The following BORCS7 variants were observed in gnomAD, a reference collection of about 807,000 sequenced individuals.
BORCS7 encodes BLOC-1-related complex subunit 7.
BORCS7 carries 20 observed loss-of-function variants against 17.5 expected under a neutral mutation model. The observed-to-expected ratio is 1.14, with a 90% confidence interval of 0.80 to 1.66. BORCS7 has a LOEUF of 1.66. Among genes scored for constraint, BORCS7 ranks in the 40% most tolerant of loss-of-function variants. The probability of loss-of-function intolerance (pLI) is 0.00; values close to 1 mark genes in which losing one functional copy is unlikely to be tolerated. For synonymous variants in BORCS7, 57 were observed against 49.8 expected, an observed-to-expected ratio of 1.14 and a Z score of -0.61; for missense variants, 122 against 129.7, an observed-to-expected ratio of 0.94 and a Z score of 0.29.
chr10:102,863,051 T>A lies in BORCS7; in HGVS notation c.*127T>A. 1.1e-6 allele frequency: 1 copy of A among 892,036 alleles called. No homozygotes were observed. Among genetic ancestry groups the A allele is most frequent in the Non-Finnish European group, 1.8e-6 (1 of 556,300 alleles). 55.3% of individuals were successfully genotyped at this position (892,036 alleles called of 1,614,324 possible). A position where few individuals can be genotyped will look rare whatever the true frequency, so the allele number is the denominator to read the frequency against. The stretch of plus-strand genomic sequence containing the variant: ...AAGTTAAGTTAGAAAAGTTCTGTGT[T>A]AGGGCCGGGCGCGGTAGCTCACGCC... On this transcript the variant is annotated 3_prime_UTR_variant, in exon 5 of 5. Transcript: ENST00000339834.
Position 102,860,643 on chromosome 10 carries a change from G to A in BORCS7, c.248+102G>A, listed in dbSNP as rs560177273. On this transcript the variant is annotated intron_variant, in intron 3 of 4. Transcript: ENST00000339834. ...GCACTTTCCTGTGGAGGCCAGAGTG[G>A]GAGTAAAGGTGGGGGTGGCCAAGGA... 5.9e-5 allele frequency: 77 copies of A among 1,301,476 alleles called. No homozygotes were observed. The African/African-American group carries it at 1.0e-3, about 17-fold the overall frequency. 80.6% of individuals were successfully genotyped at this position (1,301,476 alleles called of 1,614,324 possible).
At chr10:102,861,720 A>G (rs1323682769) in intron 3 of BORCS7, among the ~76,000 whole-genome samples, 1 of 151,576 alleles carries the variant, frequency 6.6e-6, no homozygotes, top group African/African-American at 2.4e-5. Flanking sequence ...TCTGTCTCAA[A>G]AAAAAAACAA....
chr10:102,858,188 T>G (rs7900840), intron 1 of BORCS7, among the ~76,000 whole-genome samples: 203 of 106,380 alleles, frequency 1.9e-3, no homozygotes, highest in African/African-American at 6.5e-3. Context: ...TATATATATA[T>G]ATAGAGAGAG....
intron 3 of BORCS7, 95 bp downstream of exon 3, chr10:102,860,636 C>T: frequency 7.3e-7 from 1 of 1,372,676 alleles, no homozygotes; most frequent in Non-Finnish European, 1.0e-6. Flanking sequence ...CTGTGGAGGC[C>T]AGAGTGGGAG....
At position 102,854,445 on chromosome 10, in the gene BORCS7, T is replaced by C. The variant is rs1371700682; in HGVS notation, c.141+18T>C. On this transcript the variant is annotated intron_variant, in intron 1 of 4. Coordinates refer to ENST00000339834, the MANE Select transcript of BORCS7 (RefSeq NM_001136200.2). ...GCTCCGAGGTGAGCTGGAAGTGGAC[T>C]CTCCCGGCCTGATAGTCCGGGGAGT... The C allele has an allele frequency of 6.6e-7, 1 of 1,518,010 alleles. No individual in the cohort carries two copies. The allele number at this position is 1,518,010 out of a possible 1,614,324, so 94.0% of individuals were successfully genotyped here. A position where few individuals can be genotyped will look rare whatever the true frequency, so the allele number is the denominator to read the frequency against.
At chr10:102,859,847 A>G (rs571863621) in intron 1 of BORCS7, among the ~76,000 whole-genome samples, 212 of 152,216 alleles carry the variant, frequency 1.4e-3, no homozygotes, top group African/African-American at 4.8e-3. Context: ...TACGGGCATG[A>G]GCCACCGCAC....
intron 1 of BORCS7, among the ~76,000 whole-genome samples, chr10:102,859,611 G>T (rs979970404): frequency 6.7e-6 from 1 of 150,300 alleles, no homozygotes; most frequent in African/African-American, 2.5e-5. Flanking sequence ...TGTCGCCCAG[G>T]CTGGAGTACA....
chr10:102,859,895 C>T (rs1456193278), intron 1 of BORCS7, among the ~76,000 whole-genome samples: 2 of 152,128 alleles, frequency 1.3e-5, no homozygotes, highest in Non-Finnish European at 2.9e-5. Context: ...TAGCTGTATT[C>T]CTCTGTCCTT....
intron 1 of BORCS7, among the ~76,000 whole-genome samples, chr10:102,855,312 C>T (rs1479890606): frequency 6.6e-6 from 1 of 151,956 alleles, no homozygotes; most frequent in African/African-American, 2.4e-5. Flanking sequence ...GCACGCACCA[C>T]CACACCTGGC....
rs1198689687 is a variant in BORCS7, at chr10:102,854,326, G to A, written c.40G>A (p.Gly14Ser). ...AACGCCAGAGTCTCAAGCGCGGTTC[G>A]GTCAGTCCGTGAAGGGGCTTCTCAC... The part of the protein sequence containing the change: ...TGTPESQARF[G>S]QSVKGLLTEK... The change falls in exon 1 of 5, where the codon GGT becomes AGT. Residue 14 changes from glycine to serine, a missense_variant. Physicochemically the swap from Gly to Ser is moderately conservative, Grantham distance 56. Coordinates refer to ENST00000339834, the MANE Select transcript of BORCS7 (RefSeq NM_001136200.2). 4 of 1,601,556 alleles carry A rather than the reference G, an allele frequency of 2.5e-6. No homozygotes were observed. The highest frequency in any genetic ancestry group is 2.6e-6 in the Non-Finnish European group (3 of 1,174,122).
chr10:102,860,209 G>A, intron 1 of BORCS7, 123 bp from the exon 2 acceptor site: 1 of 755,358 alleles, frequency 1.3e-6, no homozygotes, highest in Non-Finnish European at 2.2e-6. Context: ...CATTTTGAGT[G>A]TTTGTGGTTG....
chr10:102,862,968 A>G lies in BORCS7; in HGVS notation c.*44A>G. The G allele has an allele frequency of 6.9e-7, 1 of 1,459,478 alleles. No individual in the cohort carries two copies. The highest frequency in any genetic ancestry group is 1.7e-5 in the Admixed American group (1 of 59,710). The allele number at this position is 1,459,478 out of a possible 1,614,324, so 90.4% of individuals were successfully genotyped here. On this transcript the variant is annotated 3_prime_UTR_variant, in exon 5 of 5. Transcript: ENST00000339834. ...TGTAGGACTCCTTTGCCTAATGCTG[A>G]GGAGTAAATACCTTACACAGCTGTC...
Position 102,863,746 on chromosome 10 carries a change from C to T in BORCS7, c.*822C>T, listed in dbSNP as rs886108790. 1.3e-5 allele frequency: 2 copies of T among 152,102 alleles called. No homozygotes were observed. The highest frequency in any genetic ancestry group is 4.2e-4 in the South Asian group (2 of 4,814). 9.4% of individuals were successfully genotyped at this position (152,102 alleles called of 1,614,324 possible). ...CTGTTCTAGTAACTCAGAGGAGATA[C>T]GTGTTTTATTTGTGATAGCAAATTC... is the stretch of plus-strand genomic sequence containing the variant. On this transcript the variant is annotated 3_prime_UTR_variant, in exon 5 of 5. Coordinates refer to ENST00000339834, the MANE Select transcript of BORCS7 (RefSeq NM_001136200.2).
chr10:102,859,290 G>T (rs182360983), intron 1 of BORCS7, among the ~76,000 whole-genome samples: 1 of 151,498 alleles, frequency 6.6e-6, no homozygotes, highest in Admixed American at 6.6e-5. Flanking sequence ...TTACAGGCAC[G>T]TGCCACCACG....
chr10:102,857,228 T>C (rs1934893253), intron 1 of BORCS7, among the ~76,000 whole-genome samples: 1 of 152,222 alleles, frequency 6.6e-6, no homozygotes, highest in Non-Finnish European at 1.5e-5. Flanking sequence ...CATAAGGTGA[T>C]GTAAGTGCCT....
rs1348637256 is a variant in BORCS7 at position 102,863,378 on chromosome 10, G to A, written c.*454G>A. On this transcript the variant is annotated 3_prime_UTR_variant, in exon 5 of 5. Coordinates refer to ENST00000339834, the MANE Select transcript of BORCS7 (RefSeq NM_001136200.2). ...AAAAAAAGAAAAGTTCTGTGTTGAT[G>A]TACAGTTTCTCCTAAGAAGAAGCGA... The A allele has an allele frequency of 6.5e-6, 1 of 152,990 alleles. No individual in the cohort carries two copies. Among genetic ancestry groups the A allele is most frequent in the African/African-American group, 2.4e-5 (1 of 41,356 alleles). 9.5% of individuals were successfully genotyped at this position (152,990 alleles called of 1,614,324 possible).
chr10:102,860,663 C>A, intron 3 of BORCS7, 122 bp downstream of exon 3: 1 of 1,032,248 alleles, frequency 9.7e-7, no homozygotes, highest in Non-Finnish European at 1.5e-6. Flanking sequence ...TGGGGGTGGC[C>A]AAGGATGACT....
chr10:102,862,650 G>C (rs1844538846), intron 4 of BORCS7, among the ~76,000 whole-genome samples: 1 of 152,168 alleles, frequency 6.6e-6, no homozygotes, highest in South Asian at 2.1e-4. Context: ...TTAAAGTACA[G>C]ATAGCTTGTA....
Position 102,854,441 on chromosome 10 carries a change from GGACTCTCCCGGCCT to G in BORCS7, c.141+17_141+30del. The G allele has an allele frequency of 6.5e-7, 1 of 1,530,930 alleles. No homozygotes were observed. Among genetic ancestry groups the G allele is most frequent in the Non-Finnish European group, 8.8e-7 (1 of 1,130,760 alleles). The allele number at this position is 1,530,930 out of a possible 1,614,324, so 94.8% of individuals were successfully genotyped here. ...CGGAGCTCCGAGGTGAGCTGGAAGT[GGACTCTCCCGGCCT>G]GATAGTCCGGGGAGTCGCAGTCTTT... is the stretch of plus-strand genomic sequence containing the variant. On this transcript the variant is annotated intron_variant, in intron 1 of 4. Coordinates refer to ENST00000339834, the MANE Select transcript of BORCS7 (RefSeq NM_001136200.2).
Sources: gnomAD v4.1 joint callset for allele counts (sites outside exome capture counted in the v4.1 genomes callset) on GRCh38, gnomAD v4.1.1 for gene constraint, MANE v1.5 for transcripts, NCBI Gene and HGNC (gene_info 2026-07-23, HGNC 2026-07-21) for gene names.